The following ALK variants were observed in gnomAD, a reference collection of about 807,000 sequenced individuals.
The protein encoded by ALK is ALK receptor tyrosine kinase.
A neutral mutation model predicts 163.1 loss-of-function variants in ALK; 74 were observed. The ratio of observed to expected loss-of-function variants is 0.45; its 90% CI spans 0.38 to 0.55. The LOEUF (loss-of-function observed/expected upper bound fraction) is 0.55. Among genes scored for constraint, ALK ranks in the 20% least tolerant of loss-of-function variants. ALK has a pLI of 0.00. For missense variants in ALK, 2,063 were observed against 2,105.3 expected (o/e 0.98, Z 0.39); for synonymous variants, 960 against 843.2 (o/e 1.14, Z -2.40).
chr2:29,729,175 C>T (rs559275789), intron 1 of ALK, among the ~76,000 whole-genome samples: 11 of 152,350 alleles, frequency 7.2e-5, no homozygotes, highest in African/African-American at 2.6e-4. Context: ...AGGGTTGAAT[C>T]TGCCCCAGGA....
intron 13 of ALK, among the ~76,000 whole-genome samples, chr2:29,238,144 T>A (rs1210512369): frequency 6.6e-6 from 1 of 152,204 alleles, no homozygotes; most frequent in African/African-American, 2.4e-5. Context: ...GCTGCCCCCA[T>A]AGATGTGCAG....
Position 29,235,856 on chromosome 2 carries a change from CTTTTTT to C in ALK, c.2356-2166_2356-2161del, listed in dbSNP as rs569363324. Among the ~76,000 whole-genome samples the C allele has an allele frequency of 4.1e-3, 156 of 38,266 alleles. 1 individual carries two copies. Among genetic ancestry groups the C allele is most frequent in the African/African-American group, 0.013 (148 of 11,710 alleles). 25.1% of individuals were successfully genotyped at this position (38,266 alleles called of 152,430 possible). On this transcript the variant is annotated intron_variant, in intron 13 of 28. Transcript: ENST00000389048. Reference sequence around the variant, plus strand: ...TACAGGCACAAGCTACCAGGCTCGACTTTTTTTTTTTTTTTTTTTTTTTTTTTTTTT... The same window carrying C: ...TACAGGCACAAGCTACCAGGCTCGACTTTTTTTTTTTTTTTTTTTTTTTTT...
intron 4 of ALK, among the ~76,000 whole-genome samples, chr2:29,388,962 T>C (rs1414225467): frequency 6.6e-6 from 1 of 152,194 alleles, no homozygotes; most frequent in Non-Finnish European, 1.5e-5. Flanking sequence ...CCTCTCAGAA[T>C]CCTCCAAAGG....
At chr2:29,486,444 T>C (rs1003508365) in intron 4 of ALK, among the ~76,000 whole-genome samples, 21 of 152,190 alleles carry the variant, frequency 1.4e-4, no homozygotes, top group Non-Finnish European at 1.5e-4. Context: ...GGCATTTTTC[T>C]GAACCTTTCT....
chr2:29,648,095 T>C (rs2148251362), intron 3 of ALK, among the ~76,000 whole-genome samples: 1 of 152,228 alleles, frequency 6.6e-6, no homozygotes, highest in Non-Finnish European at 1.5e-5. Flanking sequence ...AAGAAGAAAA[T>C]TCTTAAAGTT....
chr2:29,671,143 G>A (rs1322891346), intron 3 of ALK, among the ~76,000 whole-genome samples: 1 of 151,676 alleles, frequency 6.6e-6, no homozygotes, highest in Non-Finnish European at 1.5e-5. Flanking sequence ...GTTTTTTATT[G>A]GATATATTTG....
At chr2:29,755,480 A>T (rs1000603828) in intron 1 of ALK, among the ~76,000 whole-genome samples, 1 of 152,190 alleles carries the variant, frequency 6.6e-6, no homozygotes, top group African/African-American at 2.4e-5. Context: ...TATCTCAGGT[A>T]ACCGGAATTT....
At chr2:29,656,875 A>AG (rs1219455435) in intron 3 of ALK, among the ~76,000 whole-genome samples, 2 of 152,184 alleles carry the variant, frequency 1.3e-5, no homozygotes, top group African/African-American at 4.8e-5. Flanking sequence ...CCCTTTTTGC[A>AG]GGGAAAAAAA....
chr2:29,207,119 G>T, intron 26 of ALK, 52 bp downstream of exon 26: 1 of 1,464,008 alleles, frequency 6.8e-7, no homozygotes, highest in Non-Finnish European at 9.6e-7. Context: ...CTTTGGCCCA[G>T]GAGCACCACC....
At chr2:29,792,011 T>C (rs1434555554) in intron 1 of ALK, among the ~76,000 whole-genome samples, 3 of 152,220 alleles carry the variant, frequency 2.0e-5, no homozygotes, top group Admixed American at 6.5e-5. Flanking sequence ...AGTTGTAACC[T>C]TGAAGTGTCC....
At position 29,229,058 on chromosome 2, in the gene ALK, C is replaced by T. The variant is rs1256624924; in HGVS notation, c.2641G>A (p.Gly881Ser). The T allele has an allele frequency of 6.2e-7, 1 of 1,613,924 alleles. No homozygotes were observed. Residue 881 changes from glycine (G) to serine (S), a missense_variant, in exon 16 of 29, where the codon GGT (glycine) becomes AGT (serine). Physicochemically the swap from Gly to Ser is moderately conservative, Grantham distance 56. Coordinates refer to ENST00000389048, the MANE Select transcript of ALK (RefSeq NM_004304.5). ...AAGGAAGTGTTATCATTCCAGCCAC[C>T]TCCACCACCTGCGGGAAGAGATAGG... is the stretch of plus-strand genomic sequence containing the variant. ...NGNSGAAGGG[G>S]GWNDNTSLLW...
At chr2:29,880,343 T>TCTGCCTCA in intron 1 of ALK, among the ~76,000 whole-genome samples, 1 of 152,100 alleles carries the variant, frequency 6.6e-6, no homozygotes, top group Non-Finnish European at 1.5e-5. Context: ...AGGAATGGGG[T>TCTGCCTCA]GATGGTCTGA....
intron 19 of ALK, chr2:29,224,620 G>A (rs769127786): frequency 4.0e-5 from 9 of 226,720 alleles, no homozygotes; most frequent in South Asian, 3.6e-4. Context: ...TGAGTCACCC[G>A]CTATGTGCTC....
intron 3 of ALK, among the ~76,000 whole-genome samples, chr2:29,645,407 T>C (rs897335049): frequency 1.3e-5 from 2 of 152,166 alleles, no homozygotes; most frequent in Admixed American, 1.3e-4. Context: ...GACCCAATGG[T>C]CAGCTTGAGG....
chr2:29,761,561 C>A (rs1206829969), intron 1 of ALK, among the ~76,000 whole-genome samples: 2 of 152,178 alleles, frequency 1.3e-5, no homozygotes, highest in Non-Finnish European at 2.9e-5. Flanking sequence ...CACTGGAAAG[C>A]AAAGCAAAAT....
chr2:29,469,922 G>A (rs531829369), intron 4 of ALK, among the ~76,000 whole-genome samples: 8 of 151,886 alleles, frequency 5.3e-5, no homozygotes, highest in Admixed American at 2.0e-4. Flanking sequence ...AAAAGCAATG[G>A]AAAAAAATAA....
At chr2:29,198,747 A>T (rs1451333132) in intron 26 of ALK, among the ~76,000 whole-genome samples, 1 of 152,178 alleles carries the variant, frequency 6.6e-6, no homozygotes, top group Non-Finnish European at 1.5e-5. Context: ...AATATTTTAA[A>T]TTATGTTTAT....
intron 3 of ALK, among the ~76,000 whole-genome samples, chr2:29,570,180 A>G (rs1320585406): frequency 6.6e-6 from 1 of 152,088 alleles, no homozygotes; most frequent in Non-Finnish European, 1.5e-5. Flanking sequence ...GCACAATTAA[A>G]CTCCTTATAT....
chr2:29,752,142 A>G (rs1355122538), intron 1 of ALK, among the ~76,000 whole-genome samples: 1 of 152,168 alleles, frequency 6.6e-6, no homozygotes, highest in African/African-American at 2.4e-5. Flanking sequence ...TGCAAAAGCT[A>G]TGTGCATTCA....
Sources: gnomAD v4.1 joint callset for allele counts (sites outside exome capture counted in the v4.1 genomes callset) on GRCh38, gnomAD v4.1.1 for gene constraint, MANE v1.5 for transcripts, NCBI Gene and HGNC (gene_info 2026-07-23, HGNC 2026-07-21) for gene names.